Variants in NRCAM observed in about 807,000 individuals in gnomAD.
The protein encoded by NRCAM is neuronal cell adhesion molecule.
In NRCAM, 83 loss-of-function variants were observed where a neutral mutation model predicts 156.5. That is an observed-to-expected ratio of 0.53 (90% CI 0.44 to 0.64). The LOEUF is 0.64. NRCAM is among the 30% of genes least tolerant of loss of function. The pLI is 0.00. For synonymous variants in NRCAM, 538 were observed against 563.9 expected, an observed-to-expected ratio of 0.95 and a Z score of 0.65; for missense variants, 1,417 against 1,597.3, an observed-to-expected ratio of 0.89 and a Z score of 1.92.
intron 1 of NRCAM, among the ~76,000 whole-genome samples, chr7:108,408,694 T>G (rs1389191105): frequency 1.3e-5 from 2 of 152,242 alleles, no homozygotes; most frequent in Non-Finnish European, 2.9e-5. Context: ...ATATGAAACT[T>G]TGAACATAAT....
intron 1 of NRCAM, among the ~76,000 whole-genome samples, chr7:108,409,135 C>A (rs903061270): frequency 6.6e-6 from 1 of 152,036 alleles, no homozygotes; most frequent in Non-Finnish European, 1.5e-5. Context: ...GGAGGCTAGG[C>A]AGGAATTTGA....
intron 1 of NRCAM, among the ~76,000 whole-genome samples, chr7:108,402,770 TG>T (rs974247315): frequency 1.3e-5 from 2 of 152,150 alleles, no homozygotes; most frequent in Admixed American, 1.3e-4. Flanking sequence ...AGGTGCTGCT[TG>T]GATCAGGAGT....
intron 1 of NRCAM, among the ~76,000 whole-genome samples, chr7:108,421,166 G>C (rs1420839048): frequency 1.3e-5 from 2 of 152,138 alleles, no homozygotes; most frequent in Admixed American, 1.3e-4. Context: ...TATAAGTGTA[G>C]ATGTATATAT....
intron 2 of NRCAM, among the ~76,000 whole-genome samples, chr7:108,385,356 C>T (rs1047281452): frequency 3.9e-5 from 6 of 152,132 alleles, no homozygotes; most frequent in Admixed American, 2.6e-4. Flanking sequence ...GTAACGGAGA[C>T]GGGTGTAAAC....
intron 3 of NRCAM, among the ~76,000 whole-genome samples, chr7:108,281,103 G>A (rs1391942305): frequency 6.6e-6 from 1 of 151,964 alleles, no homozygotes; most frequent in Non-Finnish European, 1.5e-5. Flanking sequence ...TTGAATGACT[G>A]TATTTGTTTC....
intron 3 of NRCAM, among the ~76,000 whole-genome samples, chr7:108,272,882 C>T (rs1408159807): frequency 7.2e-5 from 11 of 152,018 alleles, no homozygotes; most frequent in Admixed American, 1.3e-4. Flanking sequence ...TTTCTCCTAA[C>T]GCTATCCCTC....
At chr7:108,408,436 C>T (rs1422501219) in intron 1 of NRCAM, among the ~76,000 whole-genome samples, 1 of 152,148 alleles carries the variant, frequency 6.6e-6, no homozygotes, top group African/African-American at 2.4e-5. Context: ...GGAGGTTTTG[C>T]TCTATTTGCC....
At chr7:108,364,654 T>C (rs937645278) in intron 2 of NRCAM, among the ~76,000 whole-genome samples, 2 of 151,760 alleles carry the variant, frequency 1.3e-5, no homozygotes, top group Admixed American at 6.6e-5. Flanking sequence ...CATATATCCA[T>C]ACAATGACAT....
In NRCAM at chr7:108,367,893, C is replaced by T. The variant is rs1025038517; in HGVS notation, c.-174+31543G>A. Among the ~76,000 whole-genome samples, 24 of 152,284 alleles carry T rather than the reference C, an allele frequency of 1.6e-4. No homozygotes were observed. In the East Asian group the frequency reaches 3.7e-3, roughly 23 times the overall value. ...ACCATATAAAGCACACATGCCTTAT[C>T]TATCAATGTCAAACATTTATATATA... is the stretch of plus-strand genomic sequence containing the variant. On this transcript the variant is annotated intron_variant, in intron 2 of 32. Transcript: ENST00000379028.
chr7:108,412,279 C>T (rs556487621), intron 1 of NRCAM, among the ~76,000 whole-genome samples: 4 of 151,570 alleles, frequency 2.6e-5, no homozygotes, highest in South Asian at 2.1e-4. Flanking sequence ...ACCCAAAAAA[C>T]GATGAAGCTA....
At chr7:108,387,518 A>G (rs567837150) in intron 2 of NRCAM, among the ~76,000 whole-genome samples, 4 of 152,200 alleles carry the variant, frequency 2.6e-5, no homozygotes, top group East Asian at 1.9e-4. Context: ...CAACAACTCA[A>G]AAAGGTAGGT....
In NRCAM at chr7:108,195,775, G is replaced by A. The variant is rs1480401981; in HGVS notation, c.1449C>T (p.Leu483=). The A allele has an allele frequency of 3.8e-6, 6 of 1,598,360 alleles. No individual in the cohort carries two copies. Among genetic ancestry groups the A allele is most frequent in the East Asian group, 4.5e-5 (2 of 44,820 alleles). Residue 483 remains leucine (L), a synonymous_variant, in exon 15 of 33, where the codon CTC becomes CTT. Transcript: ENST00000379028. ...LLDCAFFGSP[L]PTIEWFKGAK... ...CTGCTACTTACCACTCGATGGTTGG[G>A]AGAGGAGACCCAAAGAAGGCACAGT...
chr7:108,317,329 GGAA>G (rs1162075551), intron 2 of NRCAM, among the ~76,000 whole-genome samples: 1 of 152,072 alleles, frequency 6.6e-6, no homozygotes, highest in Non-Finnish European at 1.5e-5. Flanking sequence ...CTATAATCTA[GGAA>G]GAAGATTTAA....
intron 11 of NRCAM, among the ~76,000 whole-genome samples, chr7:108,222,598 TA>T (rs2153683781): frequency 6.6e-6 from 1 of 152,246 alleles, no homozygotes; most frequent in Non-Finnish European, 1.5e-5. Flanking sequence ...AACATATCTT[TA>T]AAAGGGGGTT....
At chr7:108,203,702 G>A (rs2079426510) in intron 13 of NRCAM, among the ~76,000 whole-genome samples, 3 of 152,162 alleles carry the variant, frequency 2.0e-5, no homozygotes, top group Admixed American at 2.0e-4. Flanking sequence ...CTGTATCTCT[G>A]TTGTGTGGCA....
At chr7:108,333,924 GTTC>G (rs2099152473) in intron 2 of NRCAM, among the ~76,000 whole-genome samples, 1 of 152,060 alleles carries the variant, frequency 6.6e-6, no homozygotes, top group Non-Finnish European at 1.5e-5. Flanking sequence ...TTTCCTTACA[GTTC>G]TTGTTTGAAT....
chr7:108,291,700 C>G (rs932854360), intron 3 of NRCAM, among the ~76,000 whole-genome samples: 1 of 151,964 alleles, frequency 6.6e-6, no homozygotes, highest in African/African-American at 2.4e-5. Context: ...GGAAGAGAGA[C>G]AGAGCGACAG....
chr7:108,254,075 G>A (rs942887020), intron 3 of NRCAM, among the ~76,000 whole-genome samples: 2 of 152,042 alleles, frequency 1.3e-5, no homozygotes, highest in South Asian at 2.1e-4. Flanking sequence ...AGAATATCTC[G>A]CAACCTTAGT....
At chr7:108,393,035 A>G (rs1370664542) in intron 2 of NRCAM, among the ~76,000 whole-genome samples, 2 of 152,152 alleles carry the variant, frequency 1.3e-5, no homozygotes, top group African/African-American at 4.8e-5. Context: ...GAGGAGGCAG[A>G]GTGTCCATTC....
Sources: gnomAD v4.1 joint callset for allele counts (sites outside exome capture counted in the v4.1 genomes callset) on GRCh38, gnomAD v4.1.1 for gene constraint, MANE v1.5 for transcripts, NCBI Gene and HGNC (gene_info 2026-07-23, HGNC 2026-07-21) for gene names.